AFF1: variants seen among roughly 807,000 people sequenced by gnomAD.
AFF1 encodes the protein AF4/FMR2 family member 1.
A neutral mutation model predicts 121.7 loss-of-function variants in AFF1; 48 were observed. That is an observed-to-expected ratio of 0.39 (90% CI 0.31 to 0.50). The LOEUF (loss-of-function observed/expected upper bound fraction) is 0.50, where lower values mean the gene tolerates loss of function less well. AFF1 is among the 20% of genes least tolerant of loss of function. AFF1 has a pLI of 0.76. For missense variants in AFF1, 1,523 were observed against 1,511.7 expected (o/e 1.01, Z -0.12); for synonymous variants, 613 against 563.0 (o/e 1.09, Z -1.26).
intron 2 of AFF1, chr4:86,950,240 A>G (rs1221158767): frequency 5.6e-6 from 5 of 898,732 alleles, no homozygotes; most frequent in African/African-American, 3.3e-5. Flanking sequence ...GTGCAGTGCC[A>G]TGATCTTGGC....
chr4:86,995,166 G>A (rs902011686), intron 2 of AFF1, among the ~76,000 whole-genome samples: 4 of 152,134 alleles, frequency 2.6e-5, no homozygotes, highest in Admixed American at 1.3e-4. Flanking sequence ...CCTGGAGACC[G>A]AGGCTGCAGT....
chr4:86,955,394 T>C (rs1560499706), intron 2 of AFF1, among the ~76,000 whole-genome samples: 1 of 152,244 alleles, frequency 6.6e-6, no homozygotes, highest in Non-Finnish European at 1.5e-5. Flanking sequence ...TTGCTTTGCT[T>C]GGACTTTCTA....
intron 2 of AFF1, among the ~76,000 whole-genome samples, chr4:86,967,283 G>A (rs1420900720): frequency 5.3e-5 from 8 of 152,110 alleles, no homozygotes; most frequent in Admixed American, 4.6e-4. Flanking sequence ...GTGTGTTCCA[G>A]ATAAAGGAAC....
chr4:86,977,183 T>C (rs560411086), intron 2 of AFF1, among the ~76,000 whole-genome samples: 32 of 147,614 alleles, frequency 2.2e-4, no homozygotes, highest in Admixed American at 2.1e-3. Context: ...TCACAGATAG[T>C]ACTGCACCCT....
At chr4:87,116,419 A>G (rs1727128266) in intron 12 of AFF1, among the ~76,000 whole-genome samples, 2 of 152,166 alleles carry the variant, frequency 1.3e-5, no homozygotes, top group African/African-American at 4.8e-5. Flanking sequence ...TCCCAAGCCA[A>G]CTTGCCCAAG....
chr4:86,963,963 G>GTTTTTTTGT (rs1332676070), intron 2 of AFF1, among the ~76,000 whole-genome samples: 11 of 104,382 alleles, frequency 1.1e-4, no homozygotes, highest in African/African-American at 3.8e-4. Context: ...GACTAGACTG[G>GTTTTTTTGT]TTTTTTTTTT....
intron 4 of AFF1, among the ~76,000 whole-genome samples, chr4:87,055,390 C>G (rs745851124): frequency 6.6e-6 from 1 of 151,628 alleles, no homozygotes. Context: ...GTTGTTTTTA[C>G]TTTGTGCATT....
At chr4:86,965,302 A>G (rs187330568) in intron 2 of AFF1, among the ~76,000 whole-genome samples, 3 of 152,328 alleles carry the variant, frequency 2.0e-5, no homozygotes, top group Admixed American at 6.5e-5. Context: ...CAAGCCTTAG[A>G]GCCAATGGTG....
chr4:87,001,469 G>T (rs1406925474), intron 2 of AFF1, among the ~76,000 whole-genome samples: 4 of 152,066 alleles, frequency 2.6e-5, no homozygotes, highest in Non-Finnish European at 4.4e-5. Flanking sequence ...ACCCGCCTCG[G>T]CCTCCCAAGG....
At chr4:87,078,850 T>C (rs948568286) in intron 4 of AFF1, among the ~76,000 whole-genome samples, 4 of 152,204 alleles carry the variant, frequency 2.6e-5, no homozygotes, top group African/African-American at 9.7e-5. Flanking sequence ...GCTGTCATGC[T>C]GTTAAAGAAT....
At chr4:87,103,129 TAAAA>T (rs1002312918) in intron 8 of AFF1, among the ~76,000 whole-genome samples, 8 of 152,210 alleles carry the variant, frequency 5.3e-5, no homozygotes, top group Admixed American at 1.3e-4. Context: ...ACTTGTAACT[TAAAA>T]AAAGTAGATG....
chr4:87,097,861 G>GT (rs1402127972), intron 8 of AFF1, among the ~76,000 whole-genome samples: 3 of 152,190 alleles, frequency 2.0e-5, no homozygotes, highest in African/African-American at 7.2e-5. Flanking sequence ...AATTGCAGTT[G>GT]TTTCAGATTT....
At chr4:87,043,509 A>G (rs1442485649) in intron 2 of AFF1, among the ~76,000 whole-genome samples, 1 of 152,250 alleles carries the variant, frequency 6.6e-6, no homozygotes, top group East Asian at 1.9e-4. Flanking sequence ...CTAATGGCAT[A>G]TGATCTTTTG....
chr4:86,967,870 C>A (rs140639031), intron 2 of AFF1, among the ~76,000 whole-genome samples: 1 of 152,224 alleles, frequency 6.6e-6, no homozygotes, highest in East Asian at 1.9e-4. Flanking sequence ...GTCTAGAGTT[C>A]ATTGGGGAAG....
At chr4:87,003,059 G>C (rs1423728369) in intron 2 of AFF1, among the ~76,000 whole-genome samples, 1 of 152,066 alleles carries the variant, frequency 6.6e-6, no homozygotes, top group Non-Finnish European at 1.5e-5. Context: ...GCCACATACA[G>C]TATCCAAGTC....
At chr4:87,122,880 G>GAAAAA (rs1727841258) in intron 12 of AFF1, among the ~76,000 whole-genome samples, 3 of 24,288 alleles carry the variant, frequency 1.2e-4, no homozygotes, top group African/African-American at 3.2e-4. Flanking sequence ...TGGAAAATTA[G>GAAAAA]TAAAAAAAAA....
chr4:87,042,542 A>G (rs1352223074), intron 2 of AFF1, among the ~76,000 whole-genome samples: 1 of 152,170 alleles, frequency 6.6e-6, no homozygotes, highest in Non-Finnish European at 1.5e-5. Context: ...AACTCATCCT[A>G]CCAGTGATAT....
In AFF1 at chr4:87,084,145, G is replaced by C; in HGVS notation, c.1085G>C (p.Cys362Ser). Residue 362 changes from cysteine (C) to serine (S), a missense_variant, in exon 5 of 21, where the codon TGT (cysteine) becomes TCT (serine). By Grantham distance (112) the Cys-to-Ser change is moderately radical. Coordinates refer to ENST00000395146, the MANE Select transcript of AFF1 (RefSeq NM_001166693.3). ...CAGACCTACTCCAATGAAGTCCATT[G>C]TGTTGAAGAGATTCTGAAGGTGAGT... ...VEQTYSNEVH[C>S]VEEILKEMTH... 1.2e-6 allele frequency: 2 copies of C among 1,613,876 alleles called. No homozygotes were observed. Among genetic ancestry groups the C allele is most frequent in the Non-Finnish European group, 1.7e-6 (2 of 1,179,830 alleles).
chr4:87,032,081 C>T (rs184170139), intron 2 of AFF1, among the ~76,000 whole-genome samples: 100 of 152,312 alleles, frequency 6.6e-4, no homozygotes, highest in Non-Finnish European at 1.3e-3. Flanking sequence ...CTTTGTAAGG[C>T]TCACAACACG....
Sources: gnomAD v4.1 joint callset for allele counts (sites outside exome capture counted in the v4.1 genomes callset) on GRCh38, gnomAD v4.1.1 for gene constraint, MANE v1.5 for transcripts, NCBI Gene and HGNC (gene_info 2026-07-23, HGNC 2026-07-21) for gene names.